The following PCDHA4 variants were observed in gnomAD, a reference collection of about 807,000 sequenced individuals.
The protein encoded by PCDHA4 is protocadherin alpha-4.
A neutral mutation model predicts 61.4 loss-of-function variants in PCDHA4; 49 were observed. The ratio of observed to expected loss-of-function variants is 0.80; its 90% CI spans 0.63 to 1.01. The LOEUF is 1.01. Ranked by LOEUF, PCDHA4 falls within the 50% of genes least tolerant of loss-of-function variation. The pLI is 0.00. For missense variants in PCDHA4, 1,254 were observed against 1,235.8 expected (o/e 1.01, Z -0.22); for synonymous variants, 590 against 550.3 (o/e 1.07, Z -1.01).
chr5:140,969,343 G>A (rs2096321775), intron 1 of PCDHA4: 23 of 1,613,728 alleles, frequency 1.4e-5, no homozygotes, highest in Non-Finnish European at 1.9e-5. Flanking sequence ...TGAGACAGTG[G>A]TCAGGGGGTC....
chr5:140,809,209 G>A lies in PCDHA4; in HGVS notation c.2022G>A (p.Gln674=), dbSNP rs1764395414. 8 of 1,614,072 alleles carry A rather than the reference G, an allele frequency of 5.0e-6. No individual in the cohort carries two copies. The East Asian group carries it at 1.8e-4, about 36-fold the overall frequency. Residue 674 remains glutamine, a synonymous_variant, in exon 1 of 4, where the codon CAG becomes CAA. Coordinates refer to ENST00000530339, the MANE Select transcript of PCDHA4 (RefSeq NM_018907.4). ...TVLVSLVESG[Q]APKASSRALV... The stretch of plus-strand genomic sequence containing the variant: ...TGGTGTCACTTGTGGAGAGTGGACA[G>A]GCGCCAAAGGCCTCCTCACGGGCGT...
chr5:140,900,309 C>T (rs1183008231), intron 1 of PCDHA4, among the ~76,000 whole-genome samples: 1 of 151,686 alleles, frequency 6.6e-6, no homozygotes, highest in Non-Finnish European at 1.5e-5. Context: ...GACAGTCTCA[C>T]TTTTGTCGCC....
At chr5:140,885,157 C>G (rs2060491561) in intron 1 of PCDHA4, among the ~76,000 whole-genome samples, 1 of 151,962 alleles carries the variant, frequency 6.6e-6, no homozygotes, top group African/African-American at 2.4e-5. Context: ...TTGATTGTCT[C>G]TACTTTTTTG....
chr5:140,849,946 C>T (rs2041246534), intron 1 of PCDHA4: 5 of 1,597,770 alleles, frequency 3.1e-6, no homozygotes, highest in East Asian at 2.2e-5. Flanking sequence ...GACGCTGACG[C>T]GCAGGAGAAC....
chr5:140,857,659 C>G lies in PCDHA4; in HGVS notation c.2385+48087C>G, dbSNP rs200404988. On this transcript the variant is annotated intron_variant, in intron 1 of 3. Transcript: ENST00000530339. ...TGCTACAGTTCCAGGTGAGCGCGCG[C>G]GATGGGGGCGTGCCGCCTCTGGGCA... is the stretch of plus-strand genomic sequence containing the variant. 3.8e-6 allele frequency: 6 copies of G among 1,596,596 alleles called. No individual in the cohort carries two copies. In the Admixed American group the frequency reaches 8.4e-5, roughly 22 times the overall value.
At chr5:140,870,389 G>A (rs1262225558) in intron 1 of PCDHA4, 1 of 1,614,132 alleles carries the variant, frequency 6.2e-7, no homozygotes, top group Non-Finnish European at 8.5e-7. Context: ...GCGCGGGATG[G>A]GGGTTCGCCT....
rs1446529645 is a variant in PCDHA4, at chr5:140,923,539, C to CA, written c.2386-55406dup. ...GTGAGATTCTGTCCCAAAAAAAGGA[C>CA]AAAATGAAATATCAGCAATGAAAGG... On this transcript the variant is annotated intron_variant, in intron 1 of 3. Coordinates refer to ENST00000530339, the MANE Select transcript of PCDHA4 (RefSeq NM_018907.4). 3.3e-5 allele frequency among the ~76,000 whole-genome samples: 5 copies of CA among 152,090 alleles called. No individual in the cohort carries two copies. The South Asian group carries it at 8.3e-4, about 25-fold the overall frequency.
At chr5:140,915,646 C>A (rs2077236708) in intron 1 of PCDHA4, among the ~76,000 whole-genome samples, 1 of 151,916 alleles carries the variant, frequency 6.6e-6, no homozygotes, top group Non-Finnish European at 1.5e-5. Flanking sequence ...CTCTCTCTCT[C>A]TCTCTCTCTC....
chr5:140,918,006 TG>T (rs1358735901), intron 1 of PCDHA4, among the ~76,000 whole-genome samples: 6 of 152,208 alleles, frequency 3.9e-5, no homozygotes, highest in Non-Finnish European at 7.3e-5. Flanking sequence ...TTAACAATGT[TG>T]TTTCTTCCTA....
chr5:140,969,700 A>G (rs2096354004), intron 1 of PCDHA4, among the ~76,000 whole-genome samples: 1 of 152,178 alleles, frequency 6.6e-6, no homozygotes. Context: ...CCTCTGCTGT[A>G]TCATCTACAG....
At chr5:140,835,766 G>A in intron 1 of PCDHA4, 2 of 1,613,386 alleles carry the variant, frequency 1.2e-6, no homozygotes, top group Non-Finnish European at 1.7e-6. Context: ...CCGAGTATAC[G>A]GTGTTCGTGA....
chr5:140,967,029 G>A, intron 1 of PCDHA4: 1 of 1,609,056 alleles, frequency 6.2e-7, no homozygotes, highest in Non-Finnish European at 8.5e-7. Flanking sequence ...CCCAGTCCGC[G>A]CTACCTGGAG....
Position 140,883,198 on chromosome 5 carries a change from C to G in PCDHA4, c.2385+73626C>G, listed in dbSNP as rs145698462. 1.9e-6 allele frequency: 3 copies of G among 1,613,572 alleles called. No individual in the cohort carries two copies. Among genetic ancestry groups the G allele is most frequent in the Admixed American group, 1.7e-5 (1 of 59,932 alleles). On this transcript the variant is annotated intron_variant, in intron 1 of 3. Transcript: ENST00000530339. ...TTAGGACAAAAGGCAAACTAGATTT[C>G]GAAGAAAAGAAATTATATGAAATAT...
At position 140,809,366 on chromosome 5, in the gene PCDHA4, C is replaced by T. The variant is rs782392679; in HGVS notation, c.2179C>T (p.Pro727Ser). 6.2e-7 allele frequency: 1 copy of T among 1,613,980 alleles called. No homozygotes were observed. Among genetic ancestry groups the T allele is most frequent in the East Asian group, 2.2e-5 (1 of 44,868 alleles). ...CACCGCGCTGCGGTGCTCTGCGCTG[C>T]CCACCGAGGGCGCGTGCGCTCCGGG... is the stretch of plus-strand genomic sequence containing the variant. ...LYTALRCSALPTEGACAPGKP... is the reference protein window; with the variant it reads ...LYTALRCSALSTEGACAPGKP... The change falls in exon 1 of 4, where the codon CCC (proline) becomes TCC (serine). Residue 727 changes from proline to serine, a missense_variant. Physicochemically the swap from Pro to Ser is moderately conservative, Grantham distance 74. Transcript: ENST00000530339.
At chr5:140,825,878 G>T (rs1768749257) in intron 1 of PCDHA4, 1 of 152,366 alleles carries the variant, frequency 6.6e-6, no homozygotes, top group Non-Finnish European at 1.5e-5. Context: ...TTTACAAAGA[G>T]TTGTTTATTA....
At chr5:140,861,700 T>C (rs2047027429) in intron 1 of PCDHA4, 1 of 222,356 alleles carries the variant, frequency 4.5e-6, no homozygotes, top group Non-Finnish European at 9.0e-6. Flanking sequence ...GTGTCTGTGA[T>C]GCCGACGTCG....
intron 1 of PCDHA4, among the ~76,000 whole-genome samples, chr5:140,839,119 A>T (rs1433775897): frequency 1.3e-5 from 2 of 151,922 alleles, no homozygotes; most frequent in Non-Finnish European, 2.9e-5. Flanking sequence ...TTAAGCCATA[A>T]TATGTCATTC....
chr5:140,894,724 C>T (rs1322007306), intron 1 of PCDHA4, among the ~76,000 whole-genome samples: 7 of 151,784 alleles, frequency 4.6e-5, no homozygotes, highest in African/African-American at 9.7e-5. Context: ...TCAAATATTA[C>T]GTAGCAATTT....
At chr5:140,986,694 C>T (rs556228464) in intron 3 of PCDHA4, among the ~76,000 whole-genome samples, 1 of 152,266 alleles carries the variant, frequency 6.6e-6, no homozygotes, top group South Asian at 2.1e-4. Context: ...TTTCAAAACA[C>T]ACAGCACTGC....
Sources: gnomAD v4.1 joint callset for allele counts (sites outside exome capture counted in the v4.1 genomes callset) on GRCh38, gnomAD v4.1.1 for gene constraint, MANE v1.5 for transcripts, NCBI Gene and HGNC (gene_info 2026-07-23, HGNC 2026-07-21) for gene names.